The following PCNT variants were observed in gnomAD, a reference collection of about 807,000 sequenced individuals.
PCNT encodes kendrin.
Under a neutral mutation model 380.4 loss-of-function variants are expected in PCNT, and 319 were observed. The ratio of observed to expected loss-of-function variants is 0.84; its 90% CI spans 0.77 to 0.92. The LOEUF (loss-of-function observed/expected upper bound fraction) is 0.92. Ranked by LOEUF, PCNT falls within the 40% of genes least tolerant of loss-of-function variation. The probability of loss-of-function intolerance (pLI) is 0.00; values close to 1 mark genes in which losing one functional copy is unlikely to be tolerated. For synonymous variants in PCNT, 1,845 were observed against 1,735.2 expected, an observed-to-expected ratio of 1.06 and a Z score of -1.57; for missense variants, 4,400 against 4,255.3, an observed-to-expected ratio of 1.03 and a Z score of -0.95.
At chr21:46,442,994 G>T (rs1055280234) in intron 44 of PCNT, 3 of 275,652 alleles carry the variant, frequency 1.1e-5, no homozygotes, top group Non-Finnish European at 2.1e-5. Flanking sequence ...AGAGAGCACA[G>T]CTGGCTGCAC....
At chr21:46,387,888 G>A (rs539422047) in intron 17 of PCNT, among the ~76,000 whole-genome samples, 57 of 152,266 alleles carry the variant, frequency 3.7e-4, no homozygotes, top group African/African-American at 1.4e-3. Context: ...GGAGGGGCCT[G>A]TGGCCTCGGG....
At chr21:46,407,529 C>T (rs1356292577) in intron 27 of PCNT, among the ~76,000 whole-genome samples, 1 of 151,792 alleles carries the variant, frequency 6.6e-6, no homozygotes, top group Non-Finnish European at 1.5e-5. Flanking sequence ...ATTTTTAGCA[C>T]AGACGGGGTT....
intron 37 of PCNT, 127 bp downstream of exon 37, chr21:46,430,784 G>T: frequency 1.3e-6 from 2 of 1,531,064 alleles, no homozygotes; most frequent in South Asian, 1.2e-5. Flanking sequence ...GCAGTGTGAC[G>T]TAGCAGGATA....
intron 38 of PCNT, among the ~76,000 whole-genome samples, chr21:46,432,496 G>C (rs1471190072): frequency 1.3e-5 from 2 of 152,242 alleles, no homozygotes; most frequent in Non-Finnish European, 2.9e-5. Context: ...ATTGGTGTTT[G>C]TATTTCTGCA....
At chr21:46,437,728 GC>G (rs2053500355) in intron 40 of PCNT, among the ~76,000 whole-genome samples, 2 of 152,134 alleles carry the variant, frequency 1.3e-5, no homozygotes, top group African/African-American at 4.8e-5. Context: ...TTACCCTCTG[GC>G]CCCGCCAGCT....
chr21:46,415,259 C>T (rs1339200831), intron 29 of PCNT, among the ~76,000 whole-genome samples: 3 of 151,236 alleles, frequency 2.0e-5, no homozygotes, highest in Non-Finnish European at 4.4e-5. Context: ...GAACCTGGTT[C>T]GTGTGCTTGT....
rs373364749 is a variant in PCNT at position 46,334,724 on chromosome 21, A to G, written c.595A>G (p.Thr199Ala). 3 of 1,613,880 alleles carry G rather than the reference A, an allele frequency of 1.9e-6. No homozygotes were observed. Among genetic ancestry groups the G allele is most frequent in the Non-Finnish European group, 2.5e-6 (3 of 1,179,870 alleles). The change falls in exon 3 of 47, where the codon ACA becomes GCA. Residue 199 changes from threonine to alanine, a missense_variant. By Grantham distance (58) the Thr-to-Ala change is moderately conservative. Coordinates refer to ENST00000359568, the MANE Select transcript of PCNT (RefSeq NM_006031.6). ...DHTPEQRGIF[T>A]ISDHPAEQRG... ...CACACCAGAACAGCGTGGGATCTTC[A>G]CAATCAGTGACCACCCAGCAGAACA...
Position 46,367,135 on chromosome 21 carries a change from A to G in PCNT, c.3161A>G (p.His1054Arg). The G allele has an allele frequency of 1.2e-6, 2 of 1,612,062 alleles. No homozygotes were observed. The highest frequency in any genetic ancestry group is 1.7e-6 in the Non-Finnish European group (2 of 1,179,896). Residue 1054 changes from histidine to arginine, a missense_variant, in exon 15 of 47, where the codon CAC (histidine) becomes CGC (arginine). Physicochemically the swap from His to Arg is conservative, Grantham distance 29. Coordinates refer to ENST00000359568, the MANE Select transcript of PCNT (RefSeq NM_006031.6). The part of the protein sequence containing the change: ...GTVAHELQGV[H>R]QGEFGSEKKT... ...GTGGCTCACGAGCTGCAGGGAGTGC[A>G]CCAGGTAAGGCGCCAGGGCCCTGCC...
chr21:46,326,601 C>G lies in PCNT; in HGVS notation c.267+12C>G. 6.2e-7 allele frequency: 1 copy of G among 1,610,010 alleles called. No individual in the cohort carries two copies. ...CCTTTGCAGCTCAGGTAGATTTGCTCAATGTTGTATTTGAACATTTCGCTT... is the reference window on the plus strand; with the variant it reads ...CCTTTGCAGCTCAGGTAGATTTGCTGAATGTTGTATTTGAACATTTCGCTT... On this transcript the variant is annotated intron_variant, in intron 2 of 46. Transcript: ENST00000359568.
At chr21:46,328,316 G>T (rs1186597814) in intron 2 of PCNT, among the ~76,000 whole-genome samples, 2 of 151,188 alleles carry the variant, frequency 1.3e-5, no homozygotes, top group African/African-American at 2.4e-5. Flanking sequence ...AGGCTGGAGC[G>T]CAGTGACGCG....
chr21:46,356,918 G>C, intron 12 of PCNT, 56 bp from the exon 13 acceptor site: 2 of 1,478,788 alleles, frequency 1.4e-6, no homozygotes, highest in South Asian at 2.3e-5. Context: ...CGGACTGTGG[G>C]CTCCATCGAG....
rs1306916085 is a variant in PCNT at position 46,444,780 on chromosome 21, A to G, written c.9926A>G (p.His3309Arg). The change falls in exon 46 of 47, where the codon CAT becomes CGT. Residue 3309 changes from histidine (H) to arginine (R), a missense_variant. His to Arg is a conservative substitution (Grantham distance 29). Coordinates refer to ENST00000359568, the MANE Select transcript of PCNT (RefSeq NM_006031.6). ...PEHSLTEYIH[H>R]LEVIQQRLGG... Reference sequence around the variant, plus strand: ...CATTCCTTGACAGAGTATATTCACCATTTAGAAGTGATCCAGCAAAGATTG... The same window carrying G: ...CATTCCTTGACAGAGTATATTCACCGTTTAGAAGTGATCCAGCAAAGATTG... The G allele has an allele frequency of 6.2e-7, 1 of 1,613,334 alleles. No individual in the cohort carries two copies. Among genetic ancestry groups the G allele is most frequent in the Non-Finnish European group, 8.5e-7 (1 of 1,179,390 alleles).
At position 46,333,467 on chromosome 21, in the gene PCNT, C is replaced by T. The variant is rs192187377; in HGVS notation, c.268-930C>T. ...AAAAAGAAAAAAAAAATTAGCCGGG[C>T]GTGGTGGCATGCGCCTGTAGTCCCA... On this transcript the variant is annotated intron_variant, in intron 2 of 46. Coordinates refer to ENST00000359568, the MANE Select transcript of PCNT (RefSeq NM_006031.6). 1.4e-4 allele frequency among the ~76,000 whole-genome samples: 21 copies of T among 151,998 alleles called. No individual in the cohort carries two copies. The East Asian group carries it at 3.5e-3, about 25-fold the overall frequency.
chr21:46,360,420 G>A lies in PCNT; in HGVS notation c.2155-3060G>A, dbSNP rs567074397. On this transcript the variant is annotated intron_variant, in intron 13 of 46. Transcript: ENST00000359568. ...TTTTTTACATTTTTAGTAGAGATGA[G>A]GTTTCACCGTGTTAGGATGTTCTCG... Among the ~76,000 whole-genome samples the A allele has an allele frequency of 1.3e-4, 19 of 147,428 alleles. No homozygotes were observed. The South Asian group carries it at 3.9e-3, about 30-fold the overall frequency.
intron 15 of PCNT, among the ~76,000 whole-genome samples, chr21:46,377,460 A>C (rs1280016674): frequency 2.6e-5 from 4 of 152,240 alleles, no homozygotes; most frequent in Non-Finnish European, 5.9e-5. Flanking sequence ...TTTTCTAGGC[A>C]ACTTTTGTCA....
At chr21:46,430,968 T>A (rs1384786403) in intron 37 of PCNT, 1 of 984,956 alleles carries the variant, frequency 1.0e-6, no homozygotes, top group African/African-American at 1.8e-5. Flanking sequence ...GAGCACAGCC[T>A]CAGAGGTCTG....
intron 19 of PCNT, 52 bp from the exon 20 acceptor site, chr21:46,390,618 G>T: frequency 1.0e-5 from 16 of 1,593,804 alleles, no homozygotes; most frequent in Non-Finnish European, 1.3e-5. Flanking sequence ...TCTTAATGTA[G>T]GCTTCAGTTA....
intron 17 of PCNT, 124 bp downstream of exon 17, chr21:46,386,107 G>A (rs548484675): frequency 1.8e-6 from 2 of 1,134,894 alleles, no homozygotes; most frequent in African/African-American, 3.1e-5. Flanking sequence ...CTGGCTCCTG[G>A]TGGACGGGGA....
At chr21:46,423,100 A>G (rs1232307736) in intron 32 of PCNT, among the ~76,000 whole-genome samples, 2 of 152,120 alleles carry the variant, frequency 1.3e-5, no homozygotes, top group Non-Finnish European at 2.9e-5. Context: ...TGAGTCAGTT[A>G]AACCTCTTTT....
Sources: gnomAD v4.1 joint callset for allele counts (sites outside exome capture counted in the v4.1 genomes callset) on GRCh38, gnomAD v4.1.1 for gene constraint, MANE v1.5 for transcripts, NCBI Gene and HGNC (gene_info 2026-07-23, HGNC 2026-07-21) for gene names.